CATSPERB: variants seen among roughly 807,000 people sequenced by gnomAD.
The protein encoded by CATSPERB is cation channel sperm-associated auxiliary subunit beta.
A neutral mutation model predicts 128.3 loss-of-function variants in CATSPERB; 93 were observed. The ratio of observed to expected loss-of-function variants is 0.72; its 90% CI spans 0.61 to 0.86. The LOEUF (loss-of-function observed/expected upper bound fraction) is 0.86, where lower values mean the gene tolerates loss of function less well. Among genes scored for constraint, CATSPERB ranks in the 40% least tolerant of loss-of-function variants. The pLI is 0.00. For synonymous variants in CATSPERB, 381 were observed against 448.8 expected, an observed-to-expected ratio of 0.85 and a Z score of 1.91; for missense variants, 1,153 against 1,329.5, an observed-to-expected ratio of 0.87 and a Z score of 2.06.
intron 11 of CATSPERB, among the ~76,000 whole-genome samples, chr14:91,679,461 G>T (rs970391959): frequency 6.6e-6 from 1 of 152,114 alleles, no homozygotes; most frequent in East Asian, 1.9e-4. Context: ...TATGTCATAT[G>T]CCATATCCAT....
At position 91,588,069 on chromosome 14, in the gene CATSPERB, ACAG is replaced by A. The variant is rs771360054; in HGVS notation, c.2963_2965del (p.Thr988_Val989delinsMet). The A allele has an allele frequency of 1.9e-6, 3 of 1,598,768 alleles. No homozygotes were observed. In the African/African-American group the frequency reaches 4.0e-5, roughly 21 times the overall value. On this transcript the variant is annotated inframe_deletion, in exon 25 of 27. Coordinates refer to ENST00000256343, the MANE Select transcript of CATSPERB (RefSeq NM_024764.4). ...TTTCATTCTTTTAATATTTTCTGGC[ACAG>A]TGTGTTCTAAAAATACATAAAACAT...
chr14:91,612,090 C>A (rs148728007), intron 20 of CATSPERB, among the ~76,000 whole-genome samples: 1 of 144,956 alleles, frequency 6.9e-6, no homozygotes, highest in Non-Finnish European at 1.5e-5. Context: ...GATGAGATCG[C>A]GCTCTGTCAC....
chr14:91,666,986 C>T (rs988900841), intron 14 of CATSPERB, among the ~76,000 whole-genome samples: 2 of 152,184 alleles, frequency 1.3e-5, no homozygotes, highest in East Asian at 1.9e-4. Context: ...GAATGGGATA[C>T]GAAGGGCAGG....
At chr14:91,679,018 G>A (rs184280604) in intron 11 of CATSPERB, among the ~76,000 whole-genome samples, 1,624 of 152,206 alleles carry the variant, frequency 0.011, 23 homozygotes, top group Middle Eastern at 0.061. Context: ...AAGTAGTCTA[G>A]ATAAATGATT....
intron 10 of CATSPERB, among the ~76,000 whole-genome samples, chr14:91,686,106 G>T (rs1208111950): frequency 6.6e-6 from 1 of 152,062 alleles, no homozygotes; most frequent in Non-Finnish European, 1.5e-5. Flanking sequence ...TCTTTGAAAA[G>T]GCCTGCTTTA....
chr14:91,703,073 C>CT (rs1422288695), intron 7 of CATSPERB, among the ~76,000 whole-genome samples: 2 of 151,844 alleles, frequency 1.3e-5, no homozygotes, highest in African/African-American at 2.4e-5. Context: ...TTCTACAGAT[C>CT]TTTTTGGATT....
intron 22 of CATSPERB, among the ~76,000 whole-genome samples, chr14:91,602,020 A>T (rs2139769189): frequency 6.6e-6 from 1 of 152,260 alleles, no homozygotes; most frequent in East Asian, 1.9e-4. Flanking sequence ...TCTTAGTCAA[A>T]TTTTTCATAA....
At chr14:91,633,922 C>A (rs190279072) in intron 17 of CATSPERB, among the ~76,000 whole-genome samples, 91 of 151,846 alleles carry the variant, frequency 6.0e-4, no homozygotes, top group Admixed American at 4.2e-3. Flanking sequence ...ATTGGAGGTC[C>A]TAGACACTAT....
chr14:91,665,951 G>T (rs1894977000), intron 14 of CATSPERB, among the ~76,000 whole-genome samples: 1 of 152,176 alleles, frequency 6.6e-6, no homozygotes, highest in Non-Finnish European at 1.5e-5. Flanking sequence ...TAATCCCCAG[G>T]TGTTGAGGAA....
At chr14:91,705,833 C>T (rs886114225) in intron 6 of CATSPERB, among the ~76,000 whole-genome samples, 2 of 152,160 alleles carry the variant, frequency 1.3e-5, no homozygotes, top group Admixed American at 6.5e-5. Context: ...TTCGAAAGAA[C>T]GTCATCAGAC....
At chr14:91,602,670 C>T (rs987918150) in intron 22 of CATSPERB, among the ~76,000 whole-genome samples, 1 of 152,014 alleles carries the variant, frequency 6.6e-6, no homozygotes. Flanking sequence ...AATAAAAATA[C>T]TTATTCCTTA....
At chr14:91,627,327 G>A (rs1894183597) in intron 17 of CATSPERB, among the ~76,000 whole-genome samples, 1 of 152,198 alleles carries the variant, frequency 6.6e-6, no homozygotes, top group South Asian at 2.1e-4. Flanking sequence ...AAAATAAACT[G>A]TAGGGGAAGG....
chr14:91,612,368 C>G (rs571034764), intron 20 of CATSPERB, among the ~76,000 whole-genome samples: 3 of 152,104 alleles, frequency 2.0e-5, no homozygotes, highest in African/African-American at 7.2e-5. Context: ...CTAGGCTGGT[C>G]TCGAACTCCT....
chr14:91,602,355 T>C (rs1433595313), intron 22 of CATSPERB, among the ~76,000 whole-genome samples: 2 of 152,328 alleles, frequency 1.3e-5, no homozygotes, highest in East Asian at 3.9e-4. Context: ...GTTTTTAAAG[T>C]GCTCCATGTG....
Position 91,664,020 on chromosome 14 carries a change from C to A in CATSPERB, c.1288-4039G>T, listed in dbSNP as rs112204153. Among the ~76,000 whole-genome samples the A allele has an allele frequency of 1.1e-4, 17 of 152,186 alleles. 1 individual carries two copies. Among genetic ancestry groups the A allele is most frequent in the African/African-American group, 4.1e-4 (17 of 41,508 alleles). On this transcript the variant is annotated intron_variant, in intron 14 of 26. Transcript: ENST00000256343. ...TATACATCCTATGGACTTAGACAAA[C>A]GTGTAATGGCATGTATCCACCATTA...
intron 3 of CATSPERB, among the ~76,000 whole-genome samples, chr14:91,724,113 A>C (rs1896080713): frequency 6.6e-6 from 1 of 152,186 alleles, no homozygotes; most frequent in Non-Finnish European, 1.5e-5. Flanking sequence ...TGATACACAT[A>C]AACTCTTTAT....
At chr14:91,672,237 G>C (rs1161571128) in intron 13 of CATSPERB, among the ~76,000 whole-genome samples, 2 of 152,132 alleles carry the variant, frequency 1.3e-5, no homozygotes, top group African/African-American at 4.8e-5. Flanking sequence ...CAATCTTGAC[G>C]ATAGGGGCCG....
At chr14:91,635,511 C>A (rs1219492082) in intron 17 of CATSPERB, 2 of 152,020 alleles carry the variant, frequency 1.3e-5, no homozygotes, top group Non-Finnish European at 2.9e-5. Flanking sequence ...TGTGAGCCAC[C>A]ACACCTGGCT....
chr14:91,679,824 T>C (rs1012018404), intron 11 of CATSPERB, among the ~76,000 whole-genome samples: 1 of 152,182 alleles, frequency 6.6e-6, no homozygotes, highest in East Asian at 1.9e-4. Context: ...TGGCTTCCAG[T>C]CAGGTCATAG....
Sources: allele counts gnomAD v4.1 joint callset (sites outside exome capture counted in the v4.1 genomes callset), GRCh38; gene constraint gnomAD v4.1.1; transcripts MANE v1.5; gene names NCBI Gene and HGNC (gene_info 2026-07-23, HGNC 2026-07-21).